The following RASA2 variants were observed in gnomAD, a reference collection of about 807,000 sequenced individuals.
RASA2 encodes RAS p21 protein activator 2, also known as ras GTPase-activating protein 2.
A neutral mutation model predicts 118.2 loss-of-function variants in RASA2; 155 were observed. That is an observed-to-expected ratio of 1.31 (90% confidence interval 1.15 to 1.50). RASA2 has a LOEUF of 1.50. RASA2 is among the 40% of genes most tolerant of loss of function. The pLI is 0.00. For missense variants in RASA2, 1,016 were observed against 1,009.6 expected (o/e 1.01, Z -0.09); for synonymous variants, 353 against 349.1 (o/e 1.01, Z -0.12).
intron 9 of RASA2, among the ~76,000 whole-genome samples, chr3:141,561,341 T>C (rs2082727638): frequency 6.6e-6 from 1 of 152,242 alleles, no homozygotes; most frequent in Non-Finnish European, 1.5e-5. Flanking sequence ...TAAGTAAGAC[T>C]GTCTCCAGAG....
chr3:141,562,824 C>T (rs971484808), intron 9 of RASA2, among the ~76,000 whole-genome samples: 1 of 151,944 alleles, frequency 6.6e-6, no homozygotes, highest in African/African-American at 2.4e-5. Flanking sequence ...AGGCATCCGC[C>T]ACCACACCCA....
intron 1 of RASA2, among the ~76,000 whole-genome samples, chr3:141,492,507 C>T (rs944668813): frequency 6.6e-6 from 1 of 152,180 alleles, no homozygotes; most frequent in Non-Finnish European, 1.5e-5. Context: ...AGTACACATA[C>T]AGAGAACCAT....
intron 1 of RASA2, among the ~76,000 whole-genome samples, chr3:141,494,164 G>A (rs749705452): frequency 4.1e-4 from 63 of 152,138 alleles, no homozygotes; most frequent in Non-Finnish European, 7.5e-4. Context: ...TTTAATATGA[G>A]TGTCTTTTTG....
intron 19 of RASA2, among the ~76,000 whole-genome samples, chr3:141,603,312 C>T (rs1278045634): frequency 6.6e-6 from 1 of 151,974 alleles, no homozygotes; most frequent in Non-Finnish European, 1.5e-5. Flanking sequence ...GGTTCAGGCC[C>T]GTAATCCCAC....
intron 19 of RASA2, among the ~76,000 whole-genome samples, chr3:141,597,713 A>T (rs1279084679): frequency 6.6e-6 from 1 of 152,228 alleles, no homozygotes; most frequent in African/African-American, 2.4e-5. Context: ...ACCTAAAGTT[A>T]ATTGAAGAAT....
intron 19 of RASA2, among the ~76,000 whole-genome samples, chr3:141,603,578 A>T (rs1394059805): frequency 6.6e-6 from 1 of 152,114 alleles, no homozygotes; most frequent in African/African-American, 2.4e-5. Context: ...TCTCAAAAAA[A>T]AATAAAAAAT....
chr3:141,543,206 GA>G (rs1241423041), intron 5 of RASA2, among the ~76,000 whole-genome samples: 1 of 151,682 alleles, frequency 6.6e-6, no homozygotes, highest in Non-Finnish European at 1.5e-5. Context: ...TCTTTGTATA[GA>G]TTTTTTTTTA....
intron 19 of RASA2, among the ~76,000 whole-genome samples, chr3:141,595,700 C>A (rs2083355440): frequency 6.6e-6 from 1 of 151,854 alleles, no homozygotes; most frequent in African/African-American, 2.4e-5. Context: ...ACAGACATAG[C>A]TCACTGCAGC....
At chr3:141,596,391 TAAC>T (rs1292956882) in intron 19 of RASA2, among the ~76,000 whole-genome samples, 1 of 152,194 alleles carries the variant, frequency 6.6e-6, no homozygotes, top group Non-Finnish European at 1.5e-5. Flanking sequence ...TGATTGTTAT[TAAC>T]AAGTAAAGAA....
intron 19 of RASA2, among the ~76,000 whole-genome samples, chr3:141,587,523 C>G (rs145798427): frequency 0.027 from 4,166 of 152,080 alleles, 221 homozygotes; most frequent in African/African-American, 0.091. Flanking sequence ...ACCAGCCTGA[C>G]CAACATGGCA....
intron 1 of RASA2, among the ~76,000 whole-genome samples, chr3:141,510,631 A>G (rs1268760467): frequency 6.6e-6 from 1 of 152,254 alleles, no homozygotes; most frequent in Non-Finnish European, 1.5e-5. Context: ...TAGTCAAGGA[A>G]GATTTCTCTG....
rs1309989906 is a variant in RASA2 at position 141,612,895 on chromosome 3, G to A, written c.*582G>A. The A allele has an allele frequency of 6.6e-6, 1 of 152,292 alleles. No individual in the cohort carries two copies. The highest frequency in any genetic ancestry group is 2.4e-5 in the African/African-American group (1 of 41,464). The allele number at this position is 152,292 out of a possible 1,614,324, so 9.4% of individuals were successfully genotyped here. A position where few individuals can be genotyped will look rare whatever the true frequency, so the allele number is the denominator to read the frequency against. Reference sequence around the variant, plus strand: ...GCCAGAGCATACTTGAAAGTTGGTAGATCCTTTTGCCTAAAGATGTAAACA... The same window carrying A: ...GCCAGAGCATACTTGAAAGTTGGTAAATCCTTTTGCCTAAAGATGTAAACA... On this transcript the variant is annotated 3_prime_UTR_variant, in exon 24 of 24. Coordinates refer to ENST00000286364, the MANE Select transcript of RASA2 (RefSeq NM_006506.5).
At chr3:141,560,099 T>C (rs2082709841) in intron 9 of RASA2, 104 bp downstream of exon 9, 1 of 868,854 alleles carries the variant, frequency 1.2e-6, no homozygotes, top group Non-Finnish European at 1.8e-6. Context: ...ATTTGCCATG[T>C]AATAAGCTAA....
At chr3:141,580,085 A>ATATATATATATAT (rs1353911779) in intron 15 of RASA2, among the ~76,000 whole-genome samples, 14 of 59,592 alleles carry the variant, frequency 2.3e-4, no homozygotes, top group South Asian at 9.1e-4. Context: ...AAAAAAAAAA[A>ATATATATATATAT]ATATATATAT....
chr3:141,587,056 C>T (rs900006546), intron 19 of RASA2, among the ~76,000 whole-genome samples: 1 of 152,186 alleles, frequency 6.6e-6, no homozygotes, highest in Non-Finnish European at 1.5e-5. Flanking sequence ...CCTCTTAGAA[C>T]ATGGGAGTTT....
At chr3:141,547,427 A>G (rs964188292) in intron 5 of RASA2, among the ~76,000 whole-genome samples, 13 of 152,042 alleles carry the variant, frequency 8.6e-5, no homozygotes, top group African/African-American at 3.1e-4. Context: ...TCTGTGGTTA[A>G]TTCCTAGCTA....
rs865897932 is a variant in RASA2, at chr3:141,568,439, C to G, written c.864-2473C>G. Among the ~76,000 whole-genome samples the G allele has an allele frequency of 9.2e-5, 14 of 151,664 alleles. No homozygotes were observed. The South Asian group carries it at 2.7e-3, about 29-fold the overall frequency. Reference sequence around the variant, plus strand: ...GTCCATAGTAGGTAGTTAACAGGTTCCTAAGAGAAGCGGAGGTGCAGAATG... The same window carrying G: ...GTCCATAGTAGGTAGTTAACAGGTTGCTAAGAGAAGCGGAGGTGCAGAATG... On this transcript the variant is annotated intron_variant, in intron 9 of 23. Transcript: ENST00000286364.
In RASA2 at chr3:141,573,129, G is replaced by T; in HGVS notation, c.1285-18G>T. 1 of 1,544,992 alleles carries T rather than the reference G, an allele frequency of 6.5e-7. No homozygotes were observed. The highest frequency in any genetic ancestry group is 1.2e-5 in the South Asian group (1 of 80,762). ...ACTACTTAGAAAAAAATCATTAACT[G>T]AAAAATTTATTTTTCAGATATGTGA... On this transcript the variant is annotated intron_variant, in intron 12 of 23. Transcript: ENST00000286364.
chr3:141,571,841 CA>C, intron 11 of RASA2, among the ~76,000 whole-genome samples: 1 of 151,852 alleles, frequency 6.6e-6, no homozygotes, highest in East Asian at 1.9e-4. Flanking sequence ...GTTAAAACAC[CA>C]GAGCAGAAGT....
Sources: allele counts gnomAD v4.1 joint callset (sites outside exome capture counted in the v4.1 genomes callset), GRCh38; gene constraint gnomAD v4.1.1; transcripts MANE v1.5; gene names NCBI Gene and HGNC (gene_info 2026-07-23, HGNC 2026-07-21).